RAB3GAP2: variants seen among roughly 807,000 people sequenced by gnomAD.
RAB3GAP2 encodes the protein rab3 GTPase-activating protein non-catalytic subunit.
In RAB3GAP2, 87 loss-of-function variants were observed where a neutral mutation model predicts 185.3. The ratio of observed to expected loss-of-function variants is 0.47; its 90% confidence interval spans 0.39 to 0.56. RAB3GAP2 has a LOEUF of 0.56. Among genes scored for constraint, RAB3GAP2 ranks in the 20% least tolerant of loss-of-function variants. The pLI is 0.00. For missense variants in RAB3GAP2, 1,492 were observed against 1,638.2 expected (o/e 0.91, Z 1.54); for synonymous variants, 554 against 576.1 (o/e 0.96, Z 0.55).
intron 27 of RAB3GAP2, among the ~76,000 whole-genome samples, chr1:220,163,488 G>A (rs906363951): frequency 2.0e-5 from 3 of 149,642 alleles, no homozygotes; most frequent in Non-Finnish European, 4.4e-5. Flanking sequence ...TCAGCCTCCC[G>A]AGTAGCTGGG....
In RAB3GAP2 at chr1:220,171,902, A is replaced by C; in HGVS notation, c.2564T>G (p.Met855Arg). The C allele has an allele frequency of 6.2e-7, 1 of 1,614,124 alleles. No homozygotes were observed. Among genetic ancestry groups the C allele is most frequent in the African/African-American group, 1.3e-5 (1 of 75,018 alleles). ...HSVAAQISNNMTEKKFSQTVL... is the reference protein window; with the variant it reads ...HSVAAQISNNRTEKKFSQTVL... Reference sequence around the variant, plus strand: ...TTACCCACTTACTTTTTTCTCTGTCATGTTGTTTGATATCTGTGCAGCAAC... The same window carrying C: ...TTACCCACTTACTTTTTTCTCTGTCCTGTTGTTTGATATCTGTGCAGCAAC... The change falls in exon 23 of 35, where the codon ATG (methionine) becomes AGG (arginine). Residue 855 changes from methionine (M) to arginine (R), a missense_variant. Met to Arg is a moderately conservative substitution (Grantham distance 91). Transcript: ENST00000358951.
At chr1:220,229,147 T>A (rs1659454548) in intron 2 of RAB3GAP2, among the ~76,000 whole-genome samples, 1 of 152,160 alleles carries the variant, frequency 6.6e-6, no homozygotes, top group Admixed American at 6.5e-5. Context: ...ATTGTCCACG[T>A]CACTCAGAAT....
intron 1 of RAB3GAP2, chr1:220,265,939 A>G (rs1660220014): frequency 6.6e-6 from 1 of 152,282 alleles, no homozygotes; most frequent in Non-Finnish European, 1.5e-5. Context: ...AAACAAAAAC[A>G]AAACAAACAA....
chr1:220,194,530 T>G (rs1249603847), intron 12 of RAB3GAP2, among the ~76,000 whole-genome samples: 2 of 152,122 alleles, frequency 1.3e-5, no homozygotes, highest in African/African-American at 4.8e-5. Flanking sequence ...GTAGCTGGGA[T>G]TACAGGCACA....
intron 9 of RAB3GAP2, 88 bp from the exon 10 acceptor site, chr1:220,196,486 T>C: frequency 2.4e-6 from 3 of 1,257,226 alleles, no homozygotes; most frequent in Non-Finnish European, 3.4e-6. Context: ...ATGCTAAATG[T>C]TTAGTTTTAT....
At chr1:220,173,097 T>A (rs532906639) in intron 21 of RAB3GAP2, among the ~76,000 whole-genome samples, 2 of 152,300 alleles carry the variant, frequency 1.3e-5, no homozygotes, top group East Asian at 3.9e-4. Flanking sequence ...GGCTGTAGGT[T>A]TTGACTGGAG....
chr1:220,191,040 C>A, intron 14 of RAB3GAP2, 28 bp downstream of exon 14: 1 of 1,572,792 alleles, frequency 6.4e-7, no homozygotes. Context: ...ATTTTGTAAC[C>A]AGCACAATGC....
intron 2 of RAB3GAP2, among the ~76,000 whole-genome samples, chr1:220,224,883 C>G (rs1322432212): frequency 6.6e-6 from 1 of 152,050 alleles, no homozygotes; most frequent in African/African-American, 2.4e-5. Flanking sequence ...CCAGGTCCCC[C>G]TAGAAGTAAA....
intron 2 of RAB3GAP2, among the ~76,000 whole-genome samples, chr1:220,228,513 T>C (rs550555290): frequency 6.6e-6 from 1 of 152,310 alleles, no homozygotes; most frequent in East Asian, 1.9e-4. Flanking sequence ...ACCCTGACCA[T>C]AGTGCCGTTT....
chr1:220,216,055 A>G (rs1057208600), intron 2 of RAB3GAP2, among the ~76,000 whole-genome samples: 7 of 152,108 alleles, frequency 4.6e-5, no homozygotes, highest in Non-Finnish European at 8.8e-5. Flanking sequence ...AATGTTTAAA[A>G]CACAAAAAAA....
At chr1:220,228,119 C>T (rs1020213633) in intron 2 of RAB3GAP2, among the ~76,000 whole-genome samples, 7 of 152,170 alleles carry the variant, frequency 4.6e-5, no homozygotes, top group African/African-American at 1.7e-4. Context: ...CATTCCACTT[C>T]TTCCAAACCT....
chr1:220,164,812 G>A lies in RAB3GAP2; in HGVS notation c.3088-13C>T. The A allele has an allele frequency of 6.2e-7, 1 of 1,602,876 alleles. No individual in the cohort carries two copies. Among genetic ancestry groups the A allele is most frequent in the Non-Finnish European group, 8.5e-7 (1 of 1,173,094 alleles). On this transcript the variant is annotated splice_polypyrimidine_tract_variant and intron_variant, in intron 26 of 34. Transcript: ENST00000358951. ...AAAAACGTGCTTCCTTACATACAGG[G>A]AGAAAAAAACGAGAAAGAAAAAGAG... is the stretch of plus-strand genomic sequence containing the variant.
At chr1:220,164,618 T>C in intron 27 of RAB3GAP2, 115 bp downstream of exon 27, 2 of 1,436,896 alleles carry the variant, frequency 1.4e-6, no homozygotes, top group Non-Finnish European at 1.9e-6. Context: ...TATGTTAGGC[T>C]GCAGGATAAT....
chr1:220,198,400 T>TA (rs546784268), intron 9 of RAB3GAP2, among the ~76,000 whole-genome samples: 96 of 152,338 alleles, frequency 6.3e-4, no homozygotes, highest in African/African-American at 2.3e-3. Flanking sequence ...GCAACAAGGC[T>TA]GTTTGAGACT....
intron 33 of RAB3GAP2, among the ~76,000 whole-genome samples, chr1:220,152,220 C>T (rs1209898858): frequency 6.6e-6 from 1 of 152,194 alleles, no homozygotes; most frequent in East Asian, 1.9e-4. Context: ...GGATTACAGG[C>T]ACATGCCACC....
At chr1:220,198,083 C>A (rs1658763560) in intron 9 of RAB3GAP2, among the ~76,000 whole-genome samples, 1 of 152,122 alleles carries the variant, frequency 6.6e-6, no homozygotes, top group Admixed American at 6.5e-5. Context: ...CTTGGGATCA[C>A]TTCCCTTTCC....
intron 12 of RAB3GAP2, 113 bp from the exon 13 acceptor site, chr1:220,193,492 T>C: frequency 2.0e-6 from 2 of 1,023,904 alleles, no homozygotes; most frequent in Non-Finnish European, 2.9e-6. Context: ...TATAAAGAAA[T>C]ATGAATTTTA....
intron 9 of RAB3GAP2, among the ~76,000 whole-genome samples, chr1:220,199,511 A>G (rs898278452): frequency 6.6e-6 from 1 of 152,170 alleles, no homozygotes; most frequent in Non-Finnish European, 1.5e-5. Flanking sequence ...GAACTCTACG[A>G]AACATTCCAC....
intron 17 of RAB3GAP2, 65 bp from the exon 18 acceptor site, chr1:220,185,806 TA>T: frequency 7.8e-7 from 1 of 1,277,246 alleles, no homozygotes; most frequent in African/African-American, 1.5e-5. Flanking sequence ...TTAAATCTTA[TA>T]TTTATGCCCA....
Sources: gnomAD v4.1 joint callset for allele counts (sites outside exome capture counted in the v4.1 genomes callset) on GRCh38, gnomAD v4.1.1 for gene constraint, MANE v1.5 for transcripts, NCBI Gene and HGNC (gene_info 2026-07-23, HGNC 2026-07-21) for gene names.